VWF: variants seen among roughly 807,000 people sequenced by gnomAD.
VWF encodes the protein von Willebrand factor.
VWF carries 176 observed loss-of-function variants against 308.6 expected under a neutral mutation model. The observed-to-expected ratio is 0.57, with a 90% CI of 0.50 to 0.65. VWF has a LOEUF of 0.65. VWF is among the 30% of genes least tolerant of loss of function. VWF has a pLI of 0.00. For synonymous variants in VWF, 1,385 were observed against 1,443.4 expected (o/e 0.96, Z 0.92); for missense variants, 3,146 against 3,648.2 (o/e 0.86, Z 3.55).
rs1022004302 is a variant in VWF, at chr12:6,063,748, C to G, written c.1432+498G>C. On this transcript the variant is annotated intron_variant, in intron 12 of 51. Transcript: ENST00000261405. This position sits in a 1 kb window ranked among gnomAD's most constrained non-coding sequence, Gnocchi z 4.9. Reference sequence around the variant, plus strand: ...AAAAGCAGGTTTGCTTTGACCGGCACAGTGCAACCCAGGTGAAGATACTGG... The same window carrying G: ...AAAAGCAGGTTTGCTTTGACCGGCAGAGTGCAACCCAGGTGAAGATACTGG... Among the ~76,000 whole-genome samples the G allele has an allele frequency of 2.6e-5, 4 of 152,182 alleles. No homozygotes were observed. Among genetic ancestry groups the G allele is most frequent in the African/African-American group, 9.7e-5 (4 of 41,434 alleles).
chr12:6,082,117 C>A (rs1944918737), intron 6 of VWF, among the ~76,000 whole-genome samples: 1 of 152,076 alleles, frequency 6.6e-6, no homozygotes, highest in Admixed American at 6.5e-5. Context: ...CAGGTGCACA[C>A]CACCACGCCC....
rs551915988 is a variant in VWF at position 6,103,481 on chromosome 12, T to C, written c.532+6893A>G. Among the ~76,000 whole-genome samples the C allele has an allele frequency of 6.6e-5, 9 of 135,374 alleles. 1 individual carries two copies. The highest frequency in any genetic ancestry group is 6.0e-4 in the East Asian group (3 of 5,014). The allele number at this position is 135,374 out of a possible 152,430, so 88.8% of individuals were successfully genotyped here. A position where few individuals can be genotyped will look rare whatever the true frequency, so the allele number is the denominator to read the frequency against. On this transcript the variant is annotated intron_variant, in intron 5 of 51. Coordinates refer to ENST00000261405, the MANE Select transcript of VWF (RefSeq NM_000552.5). Reference sequence around the variant, plus strand: ...GTGTATATACACATATGTGTGTATATACATATATGTGTATACACACACGTA... The same window carrying C: ...GTGTATATACACATATGTGTGTATACACATATATGTGTATACACACACGTA...
intron 34 of VWF, among the ~76,000 whole-genome samples, chr12:6,006,069 T>C (rs1369895594): frequency 6.6e-6 from 1 of 152,174 alleles, no homozygotes; most frequent in East Asian, 1.9e-4. Flanking sequence ...AGTTAATGAA[T>C]ACACAACATT....
chr12:6,082,557 A>G (rs2136483222), intron 6 of VWF, among the ~76,000 whole-genome samples: 1 of 152,352 alleles, frequency 6.6e-6, no homozygotes, highest in East Asian at 1.9e-4. Flanking sequence ...ACTGTAACCT[A>G]ACTGGAGATG....
intron 34 of VWF, among the ~76,000 whole-genome samples, chr12:6,003,582 A>G (rs991087319): frequency 1.3e-5 from 2 of 152,188 alleles, no homozygotes; most frequent in Non-Finnish European, 2.9e-5. Flanking sequence ...TATGCTAAGC[A>G]GAATAAGCCA....
At chr12:6,113,195 G>C (rs148492142) in intron 3 of VWF, among the ~76,000 whole-genome samples, 1 of 151,336 alleles carries the variant, frequency 6.6e-6, no homozygotes, top group Admixed American at 6.6e-5. Flanking sequence ...ACCTAGAACA[G>C]TTTTTACAGC....
At chr12:6,036,012 G>A (rs764394545) in intron 19 of VWF, among the ~76,000 whole-genome samples, 1 of 152,190 alleles carries the variant, frequency 6.6e-6, no homozygotes, top group Non-Finnish European at 1.5e-5. Flanking sequence ...CTCAGGCAAC[G>A]TGTATAAGGT....
At position 6,057,013 on chromosome 12, in the gene VWF, G is replaced by C. The variant is rs756887965; in HGVS notation, c.1789C>G (p.Arg597Gly). Residue 597 changes from arginine (R) to glycine (G), a missense_variant, in exon 15 of 52, where the codon CGT (arginine) becomes GGT (glycine). By Grantham distance (125) the Arg-to-Gly change is moderately radical. Transcript: ENST00000261405. ...LTSPTFEACH[R>G]AVSPLPYLRN... ...AGGTAGGGCAGCGGGCTGACGGCAC[G>C]ATGGCAGGCCTCGAATGTGGGGGAC... 3.9e-6 allele frequency: 6 copies of C among 1,550,048 alleles called. No individual in the cohort carries two copies. Among genetic ancestry groups the C allele is most frequent in the Non-Finnish European group, 5.2e-6 (6 of 1,153,072 alleles).
At chr12:6,055,371 A>G (rs1234198405) in intron 15 of VWF, among the ~76,000 whole-genome samples, 13 of 152,188 alleles carry the variant, frequency 8.5e-5, no homozygotes, top group Non-Finnish European at 1.5e-5. Flanking sequence ...AGCAAATGCT[A>G]AGGAAGAAAC....
At chr12:6,095,727 G>T in intron 5 of VWF, 143 bp from the exon 6 acceptor site, 2 of 1,163,584 alleles carry the variant, frequency 1.7e-6, no homozygotes, top group East Asian at 2.6e-5. Context: ...TGTTTCCCAG[G>T]CTGGAGTGCA....
intron 34 of VWF, among the ~76,000 whole-genome samples, chr12:6,000,825 A>AG (rs908143889): frequency 1.3e-5 from 2 of 151,544 alleles, no homozygotes; most frequent in Non-Finnish European, 2.9e-5. Flanking sequence ...AAAAAAAAAA[A>AG]AAAAAAAAAG....
intron 21 of VWF, among the ~76,000 whole-genome samples, 157 bp from the exon 22 acceptor site, chr12:6,029,645 G>T (rs1245251334): frequency 6.6e-6 from 1 of 152,082 alleles, no homozygotes; most frequent in Admixed American, 6.6e-5. Context: ...CCCCTGCAGG[G>T]CCAGCCCCAC....
intron 10 of VWF, among the ~76,000 whole-genome samples, chr12:6,069,924 G>A (rs1944762188): frequency 6.6e-6 from 1 of 152,208 alleles, no homozygotes; most frequent in Non-Finnish European, 1.5e-5. Flanking sequence ...AAGGATGATG[G>A]ACGGAAGATT....
rs1943640371 is a variant in VWF at position 5,983,794 on chromosome 12, G to GAGAGATAGATAGATAGATAGAT, written c.6977-541_6977-540insATCTATCTATCTATCTATCTCT. Reference sequence around the variant, plus strand: ...ATAGGATAGATAACTAGATACAATAGAGATAGATAGATAGATAGATAGATG... The same window carrying GAGAGATAGATAGATAGATAGAT: ...ATAGGATAGATAACTAGATACAATAGAGAGATAGATAGATAGATAGATAGATAGATAGATAGATAGATAGATG... On this transcript the variant is annotated intron_variant, in intron 40 of 51. Coordinates refer to ENST00000261405, the MANE Select transcript of VWF (RefSeq NM_000552.5). 1.3e-5 allele frequency among the ~76,000 whole-genome samples: 2 copies of GAGAGATAGATAGATAGATAGAT among 148,780 alleles called. 1 individual carries two copies.
rs537279827 is a variant in VWF, at chr12:6,043,786, G to A, written c.2442+505C>T. Among the ~76,000 whole-genome samples the A allele has an allele frequency of 1.2e-4, 19 of 152,346 alleles. No individual in the cohort carries two copies. The East Asian group carries it at 3.5e-3, about 28-fold the overall frequency. On this transcript the variant is annotated intron_variant, in intron 18 of 51. Coordinates refer to ENST00000261405, the MANE Select transcript of VWF (RefSeq NM_000552.5). ...AGACCTCACGACTCACATTACAGAT[G>A]AGGAAAACAAGTTTCATTGTGGGGA... is the stretch of plus-strand genomic sequence containing the variant.
chr12:6,036,319 G>T, intron 19 of VWF, 69 bp downstream of exon 19: 1 of 1,442,790 alleles, frequency 6.9e-7, no homozygotes, highest in Non-Finnish European at 9.7e-7. Flanking sequence ...GGAAGGTCCT[G>T]TGGCCGCGTG....
Position 6,011,754 on chromosome 12 carries a change from A to G in VWF, c.5705T>C (p.Val1902Ala). Residue 1902 changes from valine to alanine, a missense_variant, in exon 34 of 52, where the codon GTG (valine) becomes GCG (alanine). Physicochemically the swap from Val to Ala is moderately conservative, Grantham distance 64. This residue lies in a region of VWF where 853 missense variants were observed against 1,177.8 expected (regional missense o/e 0.72). Coordinates refer to ENST00000261405, the MANE Select transcript of VWF (RefSeq NM_000552.5). ...VWTLPDQCHT[V>A]TCQPDGQTLL... is the part of the protein sequence containing the mutation. ...GGTCTGGCCATCTGGCTGGCAAGTC[A>G]CGGTGTGGCACTGGTCTGGCAAGGT... The G allele has an allele frequency of 6.2e-7, 1 of 1,613,508 alleles. No homozygotes were observed. Among genetic ancestry groups the G allele is most frequent in the African/African-American group, 1.3e-5 (1 of 75,002 alleles).
chr12:6,016,667 C>A lies in VWF; in HGVS notation c.5171-11G>T. 1.9e-6 allele frequency: 3 copies of A among 1,614,168 alleles called. No homozygotes were observed. Among genetic ancestry groups the A allele is most frequent in the Non-Finnish European group, 2.5e-6 (3 of 1,180,044 alleles). ...GAGTGAGACGAGGCCCTAAACGGAACGAGAAAATGCGGATTATTTTGAATC... is the reference window on the plus strand; with the variant it reads ...GAGTGAGACGAGGCCCTAAACGGAAAGAGAAAATGCGGATTATTTTGAATC... On this transcript the variant is annotated splice_polypyrimidine_tract_variant and intron_variant, in intron 29 of 51. Transcript: ENST00000261405.
intron 38 of VWF, among the ~76,000 whole-genome samples, chr12:5,988,213 G>A (rs1311937581): frequency 1.3e-5 from 2 of 152,182 alleles, no homozygotes; most frequent in Admixed American, 1.3e-4. Flanking sequence ...AGGTGAGGCA[G>A]GTGGCTGAAG....
Sources: gnomAD v4.1 joint callset for allele counts (sites outside exome capture counted in the v4.1 genomes callset) on GRCh38, gnomAD v4.1.1 for gene constraint, gnomAD v4.1.1 regional missense constraint, Gnocchi (gnomAD v3.1) non-coding constraint, MANE v1.5 for transcripts, NCBI Gene and HGNC (gene_info 2026-07-23, HGNC 2026-07-21) for gene names.